Variants in PCDH9 observed in about 807,000 individuals in gnomAD.
The protein encoded by PCDH9 is protocadherin-9.
In PCDH9, 24 loss-of-function variants were observed where a neutral mutation model predicts 70.6. That is an observed-to-expected ratio of 0.34 (90% CI 0.25 to 0.48). The LOEUF is 0.48. Ranked by LOEUF, PCDH9 falls within the 20% of genes least tolerant of loss-of-function variation. The pLI, the probability that PCDH9 is intolerant of heterozygous loss-of-function variation, is 0.99. For synonymous variants in PCDH9, 562 were observed against 558.5 expected, an observed-to-expected ratio of 1.01 and a Z score of -0.09; for missense variants, 1,281 against 1,503.6, an observed-to-expected ratio of 0.85 and a Z score of 2.45.
chr13:66,564,129 A>G (rs575345248), intron 4 of PCDH9, among the ~76,000 whole-genome samples: 6 of 152,128 alleles, frequency 3.9e-5, no homozygotes, highest in African/African-American at 7.2e-5. Context: ...TAAAAGCAAC[A>G]AGGACATTGA....
chr13:67,111,284 A>G (rs1277283462), intron 2 of PCDH9, among the ~76,000 whole-genome samples: 1 of 152,224 alleles, frequency 6.6e-6, no homozygotes, highest in East Asian at 1.9e-4. Context: ...TACGATTAAT[A>G]TATAGTCGTT....
At chr13:67,120,944 A>G (rs2086865584) in intron 2 of PCDH9, among the ~76,000 whole-genome samples, 1 of 152,008 alleles carries the variant, frequency 6.6e-6, no homozygotes, top group African/African-American at 2.4e-5. Flanking sequence ...AAAAAAAACT[A>G]AAAACATTAT....
intron 2 of PCDH9, among the ~76,000 whole-genome samples, chr13:67,109,879 G>A (rs958958236): frequency 1.3e-5 from 2 of 151,964 alleles, no homozygotes; most frequent in Non-Finnish European, 1.5e-5. Context: ...ATGAATCTCT[G>A]GGCAAAGGAA....
chr13:66,347,942 T>C (rs1396602492), intron 4 of PCDH9, among the ~76,000 whole-genome samples: 1 of 152,212 alleles, frequency 6.6e-6, no homozygotes, highest in Non-Finnish European at 1.5e-5. Context: ...AATCATCACT[T>C]ACTGAGTCAC....
intron 4 of PCDH9, among the ~76,000 whole-genome samples, chr13:66,625,661 A>ATTTTTTTTTTTTTTTTT (rs56865546): frequency 8.1e-6 from 1 of 122,990 alleles, no homozygotes; most frequent in African/African-American, 2.9e-5. Context: ...ATATAGTGGA[A>ATTTTTTTTTTTTTTTTT]TTTTTTTTTT....
At chr13:66,671,096 T>C (rs991247541) in intron 3 of PCDH9, among the ~76,000 whole-genome samples, 4 of 152,096 alleles carry the variant, frequency 2.6e-5, no homozygotes, top group Admixed American at 1.3e-4. Flanking sequence ...AGAGATTTGA[T>C]GGTTTTATAA....
chr13:67,023,768 G>A (rs1011868871), intron 2 of PCDH9, among the ~76,000 whole-genome samples: 53 of 151,856 alleles, frequency 3.5e-4, no homozygotes, highest in African/African-American at 1.2e-3. Flanking sequence ...GAAGAAAAAA[G>A]AAAGAAAGAA....
At chr13:67,128,658 T>C (rs2087036434) in intron 2 of PCDH9, among the ~76,000 whole-genome samples, 1 of 152,140 alleles carries the variant, frequency 6.6e-6, no homozygotes, top group African/African-American at 2.4e-5. Context: ...ACTTTTGCTT[T>C]GGTTAAAGTG....
intron 4 of PCDH9, among the ~76,000 whole-genome samples, chr13:66,583,565 G>C (rs2076923085): frequency 6.6e-6 from 1 of 151,272 alleles, no homozygotes; most frequent in Admixed American, 6.6e-5. Context: ...AGTGCGCTGA[G>C]ATCCCGCCAC....
chr13:66,365,614 A>T (rs1468101568), intron 4 of PCDH9, among the ~76,000 whole-genome samples: 1 of 152,196 alleles, frequency 6.6e-6, no homozygotes, highest in East Asian at 1.9e-4. Context: ...GTGATGGTTG[A>T]GAAGAAATAG....
intron 4 of PCDH9, among the ~76,000 whole-genome samples, chr13:66,489,937 C>T (rs1468390389): frequency 6.6e-6 from 1 of 152,122 alleles, no homozygotes; most frequent in Non-Finnish European, 1.5e-5. Context: ...TTTCTGATTC[C>T]TCCTGATTTT....
intron 3 of PCDH9, among the ~76,000 whole-genome samples, chr13:66,656,857 G>T (rs997547137): frequency 6.6e-6 from 1 of 152,132 alleles, no homozygotes; most frequent in Non-Finnish European, 1.5e-5. Flanking sequence ...AAAGATTTGG[G>T]TATTTACCTC....
intron 2 of PCDH9, among the ~76,000 whole-genome samples, chr13:66,964,883 C>T (rs1413598936): frequency 1.3e-5 from 2 of 151,952 alleles, no homozygotes; most frequent in African/African-American, 2.4e-5. Context: ...CTGAATTACA[C>T]ACTTTGTATC....
chr13:66,620,437 A>G (rs2077407658), intron 4 of PCDH9, among the ~76,000 whole-genome samples: 2 of 152,222 alleles, frequency 1.3e-5, no homozygotes, highest in South Asian at 4.1e-4. Flanking sequence ...CCTACTGGCC[A>G]TGACTTTTTA....
intron 2 of PCDH9, among the ~76,000 whole-genome samples, chr13:67,155,949 A>G (rs1254039438): frequency 2.0e-5 from 3 of 151,754 alleles, no homozygotes; most frequent in African/African-American, 4.8e-5. Context: ...TGGAACGTTC[A>G]CCTCCCTGAT....
At chr13:66,572,881 T>C (rs1273300733) in intron 4 of PCDH9, among the ~76,000 whole-genome samples, 5 of 152,060 alleles carry the variant, frequency 3.3e-5, no homozygotes, top group African/African-American at 1.2e-4. Context: ...TACCTCAGAC[T>C]CCCAAGGAGT....
chr13:66,777,808 T>G (rs1258555170), intron 3 of PCDH9, among the ~76,000 whole-genome samples: 1 of 152,130 alleles, frequency 6.6e-6, no homozygotes, highest in Non-Finnish European at 1.5e-5. Context: ...CTATAAATCA[T>G]GCTGCTATAA....
At chr13:66,599,317 G>C (rs548793637) in intron 4 of PCDH9, among the ~76,000 whole-genome samples, 1 of 151,618 alleles carries the variant, frequency 6.6e-6, no homozygotes, top group East Asian at 1.9e-4. Context: ...AAGAGATTTT[G>C]AATGTAAAAA....
chr13:66,514,026 C>CCCGA (rs1959613511), intron 4 of PCDH9, among the ~76,000 whole-genome samples: 1 of 151,760 alleles, frequency 6.6e-6, no homozygotes, highest in Non-Finnish European at 1.5e-5. Flanking sequence ...GTTTTGTGAC[C>CCCGA]CCGAGTCCAC....
Sources: gnomAD v4.1 joint callset for allele counts (sites outside exome capture counted in the v4.1 genomes callset) on GRCh38, gnomAD v4.1.1 for gene constraint, MANE v1.5 for transcripts, NCBI Gene and HGNC (gene_info 2026-07-23, HGNC 2026-07-21) for gene names.